COL21A1: variants seen among roughly 807,000 people sequenced by gnomAD.
COL21A1 encodes collagen alpha-1(XXI) chain.
In COL21A1, 149 loss-of-function variants were observed where a neutral mutation model predicts 137.9. That is an observed-to-expected ratio of 1.08 (90% CI 0.95 to 1.24). The LOEUF (loss-of-function observed/expected upper bound fraction) is 1.24. COL21A1 is among the 50% of genes most tolerant of loss of function. COL21A1 has a pLI of 0.00. For missense variants in COL21A1, 1,167 were observed against 1,158.4 expected (o/e 1.01, Z -0.11); for synonymous variants, 456 against 391.5 (o/e 1.16, Z -1.95).
chr6:56,325,548 C>T (rs1197452538), intron 1 of COL21A1, among the ~76,000 whole-genome samples: 2 of 306 alleles, frequency 6.5e-3, no homozygotes, highest in African/African-American at 9.4e-3. Context: ...ATATATAATA[C>T]ATATATAATA....
intron 9 of COL21A1, among the ~76,000 whole-genome samples, chr6:56,159,319 C>A (rs1776017304): frequency 6.7e-6 from 1 of 148,652 alleles, no homozygotes; most frequent in Non-Finnish European, 1.5e-5. Context: ...GAGACTGTAG[C>A]AAAGTCTGAA....
At chr6:56,210,355 T>C (rs1780082912) in intron 1 of COL21A1, among the ~76,000 whole-genome samples, 5 of 152,114 alleles carry the variant, frequency 3.3e-5, no homozygotes. Flanking sequence ...TGCTAATAAA[T>C]GGGCACAAAT....
intron 17 of COL21A1, among the ~76,000 whole-genome samples, chr6:56,098,718 A>AAT (rs1254054469): frequency 5.5e-5 from 5 of 91,198 alleles, no homozygotes; most frequent in African/African-American, 2.1e-4. Context: ...AATATATATA[A>AAT]ATATATATAT....
intron 1 of COL21A1, among the ~76,000 whole-genome samples, chr6:56,327,024 A>T (rs6910756): frequency 6.6e-6 from 1 of 152,002 alleles, no homozygotes; most frequent in Admixed American, 6.6e-5. Flanking sequence ...TTCAGAATGG[A>T]CTTTTTCCCT....
intron 1 of COL21A1, among the ~76,000 whole-genome samples, chr6:56,241,895 G>A (rs1406660706): frequency 6.6e-6 from 1 of 152,042 alleles, no homozygotes; most frequent in Non-Finnish European, 1.5e-5. Flanking sequence ...TGAATTGAAG[G>A]GAGTTTTTCA....
At position 56,171,063 on chromosome 6, in the gene COL21A1, CT is replaced by C; in HGVS notation, c.705del (p.Gly236ValfsTer2). The stretch of plus-strand genomic sequence containing the variant: ...TTAACCTTTTTATTTACATCTAAAC[CT>C]AAAAGAATATCAAATCCCCTTTCAT... ...ARDERGFDIL[L>X]GLDVNKKVKK... On this transcript the variant is annotated frameshift_variant, in exon 4 of 30. Transcript: ENST00000244728. LOFTEE classifies it high-confidence loss of function. The C allele has an allele frequency of 6.2e-7, 1 of 1,609,530 alleles. No individual in the cohort carries two copies. The highest frequency in any genetic ancestry group is 1.1e-5 in the South Asian group (1 of 90,158).
chr6:56,344,860 C>T (rs1314991238), intron 1 of COL21A1, among the ~76,000 whole-genome samples: 4 of 152,080 alleles, frequency 2.6e-5, no homozygotes, highest in African/African-American at 4.8e-5. Context: ...TTGCCTTCCA[C>T]CGTGATTATA....
chr6:56,272,459 T>C (rs923400258), intron 1 of COL21A1, among the ~76,000 whole-genome samples: 3 of 152,222 alleles, frequency 2.0e-5, no homozygotes, highest in African/African-American at 7.2e-5. Flanking sequence ...GGACTAGCTT[T>C]GTCTCAAATG....
chr6:56,168,696 G>A (rs1176238083), intron 5 of COL21A1, among the ~76,000 whole-genome samples: 1 of 151,818 alleles, frequency 6.6e-6, no homozygotes, highest in Non-Finnish European at 1.5e-5. Flanking sequence ...AAACAATCTT[G>A]ATCATTTTCA....
chr6:56,073,570 A>T (rs1766949761), intron 20 of COL21A1, among the ~76,000 whole-genome samples: 1 of 151,458 alleles, frequency 6.6e-6, no homozygotes. Flanking sequence ...CTATTTGCAA[A>T]ATAGTTGGGA....
intron 1 of COL21A1, among the ~76,000 whole-genome samples, chr6:56,352,497 A>C (rs1765731653): frequency 1.3e-5 from 2 of 151,994 alleles, no homozygotes; most frequent in Non-Finnish European, 2.9e-5. Context: ...GCAGCAAAAC[A>C]CCAGAGCTCC....
chr6:56,098,646 TAA>T lies in COL21A1; in HGVS notation c.1812+2824_1812+2825del, dbSNP rs1562193886. Among the ~76,000 whole-genome samples, 96 of 23,746 alleles carry T rather than the reference TAA, an allele frequency of 4.0e-3. 16 individuals are homozygous for T. The highest frequency in any genetic ancestry group is 0.021 in the African/African-American group (87 of 4,172). The allele number at this position is 23,746 out of a possible 152,430, so 15.6% of individuals were successfully genotyped here. A position where few individuals can be genotyped will look rare whatever the true frequency, so the allele number is the denominator to read the frequency against. Reference sequence around the variant, plus strand: ...ATATAAATATATATATAAATATATATAAATATATAAATATATATAAATATATA... The same window carrying T: ...ATATAAATATATATATAAATATATATATATATAAATATATATAAATATATA... On this transcript the variant is annotated intron_variant, in intron 17 of 29. Coordinates refer to ENST00000244728, the MANE Select transcript of COL21A1 (RefSeq NM_030820.4).
chr6:56,302,868 A>G (rs1197452112), intron 1 of COL21A1, among the ~76,000 whole-genome samples: 2 of 152,146 alleles, frequency 1.3e-5, no homozygotes, highest in African/African-American at 2.4e-5. Context: ...TTTAGGTCTA[A>G]CATTTAAGTC....
intron 1 of COL21A1, among the ~76,000 whole-genome samples, chr6:56,301,908 C>A (rs1256493625): frequency 6.6e-6 from 1 of 151,704 alleles, no homozygotes; most frequent in Middle Eastern, 3.4e-3. Flanking sequence ...CTTCCTGTGT[C>A]CCATGCTCCC....
At chr6:56,351,296 G>C (rs566366491) in intron 1 of COL21A1, among the ~76,000 whole-genome samples, 1 of 152,250 alleles carries the variant, frequency 6.6e-6, no homozygotes, top group East Asian at 1.9e-4. Context: ...ACAATGCTGA[G>C]AGGGATACAG....
chr6:56,292,380 A>G (rs1207558765), intron 1 of COL21A1, among the ~76,000 whole-genome samples: 1 of 143,462 alleles, frequency 7.0e-6, no homozygotes, highest in African/African-American at 2.5e-5. Context: ...ATTAATATCA[A>G]CAAAACAGGG....
chr6:56,203,117 T>C (rs1404950256), intron 1 of COL21A1, among the ~76,000 whole-genome samples: 2 of 152,192 alleles, frequency 1.3e-5, no homozygotes, highest in African/African-American at 4.8e-5. Flanking sequence ...GGTTTCCAAA[T>C]GGAAAACTAA....
Position 56,259,259 on chromosome 6 carries a change from C to T in COL21A1, c.-38-76603G>A, listed in dbSNP as rs12524507. Among the ~76,000 whole-genome samples, 630 of 152,244 alleles carry T rather than the reference C, an allele frequency of 4.1e-3. 17 individuals carry two copies. In the East Asian group the frequency reaches 0.064, roughly 15 times the overall value. Reference sequence around the variant, plus strand: ...ATCCTGGCCTGGAGTTTACTGCATTCCCCCACTGCTTCTTCAATGCTTCCA... The same window carrying T: ...ATCCTGGCCTGGAGTTTACTGCATTTCCCCACTGCTTCTTCAATGCTTCCA... On this transcript the variant is annotated intron_variant, in intron 1 of 28. Coordinates refer to the COL21A1 transcript ENST00000370819.
At chr6:56,073,205 A>G (rs1766910903) in intron 20 of COL21A1, among the ~76,000 whole-genome samples, 1 of 151,422 alleles carries the variant, frequency 6.6e-6, no homozygotes, top group South Asian at 2.1e-4. Context: ...AATAAGGGGT[A>G]TTTTCTTACA....
Sources: gnomAD v4.1 joint callset for allele counts (sites outside exome capture counted in the v4.1 genomes callset) on GRCh38, gnomAD v4.1.1 for gene constraint, MANE v1.5 for transcripts, NCBI Gene and HGNC (gene_info 2026-07-23, HGNC 2026-07-21) for gene names.